RASEF: variants seen among roughly 807,000 people sequenced by gnomAD.
RASEF encodes the protein RAS and EF-hand domain containing.
Under a neutral mutation model 90.1 loss-of-function variants are expected in RASEF, and 68 were observed. That is an observed-to-expected ratio of 0.75 (90% CI 0.62 to 0.92). The LOEUF is 0.92. Among genes scored for constraint, RASEF ranks in the 40% least tolerant of loss-of-function variants. RASEF has a pLI of 0.00. For missense variants in RASEF, 949 were observed against 937.2 expected, an observed-to-expected ratio of 1.01 and a Z score of -0.16; for synonymous variants, 331 against 345.2, an observed-to-expected ratio of 0.96 and a Z score of 0.46.
intron 3 of RASEF, among the ~76,000 whole-genome samples, chr9:83,017,853 A>G (rs1829371591): frequency 6.6e-6 from 1 of 152,246 alleles, no homozygotes; most frequent in Admixed American, 6.5e-5. Context: ...CATCATAACT[A>G]ATTAGGGCCT....
At chr9:83,137,760 A>G in the RASEF span, among the ~76,000 whole-genome samples, 1 of 150,002 alleles carries the variant, frequency 6.7e-6, no homozygotes, top group Admixed American at 6.7e-5. Flanking sequence ...GTAGTGGTAG[A>G]TCAGCCACAA....
intron 1 of RASEF, among the ~76,000 whole-genome samples, chr9:83,038,179 G>T (rs955317244): frequency 6.6e-6 from 1 of 152,064 alleles, no homozygotes; most frequent in Non-Finnish European, 1.5e-5. Flanking sequence ...TAATAAATTT[G>T]TCAAAGTATT....
chr9:83,158,639 TATA>T, the RASEF span, among the ~76,000 whole-genome samples: 2 of 148,234 alleles, frequency 1.3e-5, no homozygotes, highest in Non-Finnish European at 3.0e-5. Flanking sequence ...TGTATATATG[TATA>T]TATGTCCAAA....
chr9:83,065,797 A>G (rs950709936), upstream of RASEF, among the ~76,000 whole-genome samples: 1 of 152,094 alleles, frequency 6.6e-6, no homozygotes, highest in African/African-American at 2.4e-5. Flanking sequence ...TCAGTCAACA[A>G]TTTTGTTTCG....
At chr9:83,154,032 T>C in the RASEF span, among the ~76,000 whole-genome samples, 3 of 152,240 alleles carry the variant, frequency 2.0e-5, no homozygotes, top group African/African-American at 7.2e-5. Flanking sequence ...TACTAACTGC[T>C]GTGTGACCTT....
the RASEF span, among the ~76,000 whole-genome samples, chr9:83,196,763 T>C: frequency 6.6e-6 from 1 of 152,234 alleles, no homozygotes; most frequent in African/African-American, 2.4e-5. Flanking sequence ...GTATTAATTA[T>C]TGACTCCCTA....
chr9:83,097,301 C>T, the RASEF span, among the ~76,000 whole-genome samples: 6 of 152,126 alleles, frequency 3.9e-5, no homozygotes, highest in African/African-American at 1.2e-4. Context: ...CCTGTTGTTT[C>T]CTGACTTTTT....
the RASEF span, among the ~76,000 whole-genome samples, chr9:83,190,779 A>C: frequency 6.6e-6 from 1 of 152,172 alleles, no homozygotes; most frequent in Non-Finnish European, 1.5e-5. Context: ...GACTCTGCTG[A>C]AGCAATGACT....
the RASEF span, among the ~76,000 whole-genome samples, chr9:83,176,902 C>CTT: frequency 6.6e-6 from 1 of 151,978 alleles, no homozygotes; most frequent in African/African-American, 2.4e-5. Flanking sequence ...AAGAGAAGAG[C>CTT]ACAAAGCAAG....
chr9:83,203,811 T>C, the RASEF span, among the ~76,000 whole-genome samples: 1 of 151,930 alleles, frequency 6.6e-6, no homozygotes, highest in African/African-American at 2.4e-5. Flanking sequence ...AGGAAGTGCA[T>C]GGTGCCAGCA....
the RASEF span, among the ~76,000 whole-genome samples, chr9:83,102,228 C>A: frequency 1.3e-5 from 2 of 152,174 alleles, no homozygotes; most frequent in Non-Finnish European, 1.5e-5. Flanking sequence ...AGGCGCCCGC[C>A]ACCACGCCCA....
chr9:83,090,888 C>A, the RASEF span, among the ~76,000 whole-genome samples: 1 of 151,774 alleles, frequency 6.6e-6, no homozygotes. Context: ...TTATTATGAT[C>A]TTATTATTAT....
At chr9:82,988,412 A>C (rs10867920) in intron 16 of RASEF, among the ~76,000 whole-genome samples, 10,892 of 152,168 alleles carry the variant, frequency 0.072, 465 homozygotes, top group African/African-American at 0.092. Flanking sequence ...ACACAAAATA[A>C]CCCATCTAAT....
At chr9:83,015,781 C>A (rs1829332114) in intron 4 of RASEF, 24 bp downstream of exon 4, 1 of 1,554,416 alleles carries the variant, frequency 6.4e-7, no homozygotes, top group African/African-American at 1.4e-5. Context: ...GCTGTTCCTA[C>A]AAGTCCAGCT....
chr9:83,118,847 T>C, the RASEF span, among the ~76,000 whole-genome samples: 6 of 152,192 alleles, frequency 3.9e-5, no homozygotes, highest in Admixed American at 6.6e-5. Context: ...TCACCAAATA[T>C]AATAGGACAT....
At chr9:83,143,997 T>C in the RASEF span, among the ~76,000 whole-genome samples, 1 of 152,116 alleles carries the variant, frequency 6.6e-6, no homozygotes, top group Non-Finnish European at 1.5e-5. Flanking sequence ...TCCTGTCCTT[T>C]GCAGCAACAT....
the RASEF span, among the ~76,000 whole-genome samples, chr9:83,192,361 A>G: frequency 6.6e-6 from 1 of 152,250 alleles, no homozygotes; most frequent in Non-Finnish European, 1.5e-5. Context: ...TACACCATGG[A>G]ATACTATGTA....
chr9:83,139,544 A>C, the RASEF span, among the ~76,000 whole-genome samples: 3 of 152,194 alleles, frequency 2.0e-5, no homozygotes, highest in Admixed American at 2.0e-4. Context: ...TATATTTACT[A>C]TTCATTAAGT....
the RASEF span, among the ~76,000 whole-genome samples, chr9:83,078,011 C>G: frequency 6.6e-6 from 1 of 152,182 alleles, no homozygotes; most frequent in Non-Finnish European, 1.5e-5. Context: ...GATAAGGGAT[C>G]TCTGTATAAC....
Sources: gnomAD v4.1 joint callset for allele counts (sites outside exome capture counted in the v4.1 genomes callset) on GRCh38, gnomAD v4.1.1 for gene constraint, MANE v1.5 for transcripts, NCBI Gene and HGNC (gene_info 2026-07-23, HGNC 2026-07-21) for gene names.